The following AUTS2 variants were observed in gnomAD, a reference collection of about 807,000 sequenced individuals.
AUTS2 encodes autism susceptibility gene 2 protein.
In AUTS2, 17 loss-of-function variants were observed where a neutral mutation model predicts 112.4. The ratio of observed to expected loss-of-function variants is 0.15; its 90% CI spans 0.10 to 0.23. The LOEUF (loss-of-function observed/expected upper bound fraction) is 0.23, where lower values mean the gene tolerates loss of function less well. Ranked by LOEUF, AUTS2 falls within the 10% of genes least tolerant of loss-of-function variation. AUTS2 has a pLI of 1.00. For missense variants in AUTS2, 1,510 were observed against 1,701.6 expected, an observed-to-expected ratio of 0.89 and a Z score of 1.98; for synonymous variants, 751 against 702.7, an observed-to-expected ratio of 1.07 and a Z score of -1.09.
At chr7:70,523,678 G>A (rs932765969) in intron 5 of AUTS2, among the ~76,000 whole-genome samples, 6 of 152,148 alleles carry the variant, frequency 3.9e-5, no homozygotes, top group South Asian at 2.1e-4. Context: ...GCAGTGCAGC[G>A]CACTCTGGTT....
intron 1 of AUTS2, among the ~76,000 whole-genome samples, chr7:69,815,999 A>G (rs1242410283): frequency 6.6e-6 from 1 of 152,224 alleles, no homozygotes; most frequent in African/African-American, 2.4e-5. Context: ...GTCAGTATGA[A>G]TCTAGCCAAG....
At chr7:70,246,705 G>A (rs1165908072) in intron 4 of AUTS2, among the ~76,000 whole-genome samples, 1 of 151,554 alleles carries the variant, frequency 6.6e-6, no homozygotes, top group Non-Finnish European at 1.5e-5. Context: ...GTAAATTTTA[G>A]AATCAACTCA....
intron 4 of AUTS2, among the ~76,000 whole-genome samples, chr7:70,234,536 C>T (rs1159359040): frequency 2.0e-5 from 3 of 152,158 alleles, no homozygotes; most frequent in Non-Finnish European, 2.9e-5. Flanking sequence ...GCTGTCTTAA[C>T]GGCTCTGTGG....
chr7:70,345,682 C>G (rs990433697), intron 4 of AUTS2, among the ~76,000 whole-genome samples: 1 of 152,182 alleles, frequency 6.6e-6, no homozygotes, highest in African/African-American at 2.4e-5. Context: ...ATTTTGAGGT[C>G]TCTAGATCCC....
At chr7:70,176,937 G>A (rs891708163) in intron 4 of AUTS2, among the ~76,000 whole-genome samples, 2 of 152,150 alleles carry the variant, frequency 1.3e-5, no homozygotes, top group African/African-American at 4.8e-5. Flanking sequence ...TGTTTTCTTA[G>A]TGTTGTACCT....
chr7:70,400,923 G>A (rs1212199668), intron 4 of AUTS2, among the ~76,000 whole-genome samples: 1 of 152,162 alleles, frequency 6.6e-6, no homozygotes, highest in Non-Finnish European at 1.5e-5. Flanking sequence ...TGCTTTAGAA[G>A]GTTAATCTGG....
At chr7:69,831,969 T>C (rs1308423607) in intron 1 of AUTS2, among the ~76,000 whole-genome samples, 1 of 152,220 alleles carries the variant, frequency 6.6e-6, no homozygotes, top group African/African-American at 2.4e-5. Flanking sequence ...TTTAACTCAT[T>C]CAGTAAGTTG....
At chr7:70,050,085 G>A (rs118056112) in intron 2 of AUTS2, among the ~76,000 whole-genome samples, 3,074 of 151,754 alleles carry the variant, frequency 0.02, 65 homozygotes, top group East Asian at 0.052. Flanking sequence ...GGCCAGGCGC[G>A]GTGGCTCATG....
chr7:70,474,221 G>A (rs1797497640), intron 5 of AUTS2, among the ~76,000 whole-genome samples: 1 of 152,192 alleles, frequency 6.6e-6, no homozygotes, highest in Non-Finnish European at 1.5e-5. Context: ...ATTTCTCACA[G>A]AGGGCAACAC....
intron 5 of AUTS2, among the ~76,000 whole-genome samples, chr7:70,508,444 T>A (rs908249394): frequency 6.6e-6 from 1 of 152,196 alleles, no homozygotes; most frequent in Non-Finnish European, 1.5e-5. Context: ...TTTTGCAGAT[T>A]AGTACCAGTC....
intron 1 of AUTS2, among the ~76,000 whole-genome samples, chr7:69,722,892 T>C (rs1799037393): frequency 6.6e-6 from 1 of 152,096 alleles, no homozygotes; most frequent in African/African-American, 2.4e-5. Flanking sequence ...GCATCTGAGC[T>C]ACTCACACCC....
intron 5 of AUTS2, among the ~76,000 whole-genome samples, chr7:70,442,332 A>G (rs189835672): frequency 6.7e-4 from 102 of 152,246 alleles, no homozygotes; most frequent in Admixed American, 1.1e-3. Context: ...TACAGTCGCA[A>G]TGTCTACTTC....
At chr7:70,440,020 C>A (rs1275022305) in intron 5 of AUTS2, among the ~76,000 whole-genome samples, 1 of 152,060 alleles carries the variant, frequency 6.6e-6, no homozygotes, top group Non-Finnish European at 1.5e-5. Flanking sequence ...TGTGGACAAG[C>A]CTTGGCTTTC....
intron 5 of AUTS2, among the ~76,000 whole-genome samples, chr7:70,590,966 T>C (rs1802914890): frequency 6.6e-6 from 1 of 152,226 alleles, no homozygotes; most frequent in Non-Finnish European, 1.5e-5. Context: ...TATTTAACTC[T>C]CTCCAGAGTT....
At chr7:70,441,081 C>T (rs1025108043) in intron 5 of AUTS2, among the ~76,000 whole-genome samples, 1 of 152,156 alleles carries the variant, frequency 6.6e-6, no homozygotes, top group Non-Finnish European at 1.5e-5. Context: ...AGACATGTGC[C>T]ACCCATGCTT....
chr7:70,677,497 C>T (rs1807976286), intron 5 of AUTS2, among the ~76,000 whole-genome samples: 1 of 152,200 alleles, frequency 6.6e-6, no homozygotes, highest in Non-Finnish European at 1.5e-5. Flanking sequence ...CACTGCCACA[C>T]ACTCGTGCGT....
chr7:70,096,599 T>TAAAAAA (rs374942971), intron 2 of AUTS2, among the ~76,000 whole-genome samples: 3 of 84,666 alleles, frequency 3.5e-5, no homozygotes, highest in Non-Finnish European at 4.9e-5. Context: ...AACTCCATCT[T>TAAAAAA]AAAAAAAAAA....
chr7:69,762,119 C>T (rs1788210391), intron 1 of AUTS2, among the ~76,000 whole-genome samples: 1 of 151,952 alleles, frequency 6.6e-6, no homozygotes, highest in Non-Finnish European at 1.5e-5. Flanking sequence ...GCACACTGGT[C>T]CGGGTTGAAA....
At chr7:70,260,015 GCTT>G (rs1292875230) in intron 4 of AUTS2, among the ~76,000 whole-genome samples, 17 of 152,078 alleles carry the variant, frequency 1.1e-4, no homozygotes, top group Non-Finnish European at 1.9e-4. Context: ...TTCTAATAAA[GCTT>G]CTTATTTATT....
Sources: allele counts gnomAD v4.1 joint callset (sites outside exome capture counted in the v4.1 genomes callset), GRCh38; gene constraint gnomAD v4.1.1; transcripts MANE v1.5; gene names NCBI Gene and HGNC (gene_info 2026-07-23, HGNC 2026-07-21).